PLCB1: variants seen among roughly 807,000 people sequenced by gnomAD.
PLCB1 encodes the protein 1-phosphatidylinositol 4,5-bisphosphate phosphodiesterase beta-1.
PLCB1 carries 46 observed loss-of-function variants against 161.8 expected under a neutral mutation model. The ratio of observed to expected loss-of-function variants is 0.28; its 90% CI spans 0.22 to 0.36. The LOEUF (loss-of-function observed/expected upper bound fraction) is 0.36, where lower values mean the gene tolerates loss of function less well. Ranked by LOEUF, PLCB1 falls within the 10% of genes least tolerant of loss-of-function variation. PLCB1 has a pLI of 1.00. For missense variants in PLCB1, 1,016 were observed against 1,472.5 expected, an observed-to-expected ratio of 0.69 and a Z score of 5.07; for synonymous variants, 517 against 503.7, an observed-to-expected ratio of 1.03 and a Z score of -0.35.
intron 2 of PLCB1, among the ~76,000 whole-genome samples, chr20:8,288,436 A>G (rs749761287): frequency 4.6e-5 from 7 of 152,196 alleles, no homozygotes; most frequent in Non-Finnish European, 8.8e-5. Context: ...CTCTGGAGAA[A>G]GAGAGTGAGA....
intron 3 of PLCB1, among the ~76,000 whole-genome samples, chr20:8,445,774 G>T (rs1980794999): frequency 6.6e-6 from 1 of 152,016 alleles, no homozygotes; most frequent in East Asian, 1.9e-4. Flanking sequence ...TCCCTTGTAA[G>T]TTGGATTCCT....
At chr20:8,639,640 G>GA (rs987213999) in intron 4 of PLCB1, among the ~76,000 whole-genome samples, 1 of 152,220 alleles carries the variant, frequency 6.6e-6, no homozygotes, top group Non-Finnish European at 1.5e-5. Context: ...AAGGACATTG[G>GA]AAAATGGATA....
At chr20:8,481,728 T>TTCTCTGTCCC (rs1285154166) in intron 3 of PLCB1, among the ~76,000 whole-genome samples, 1 of 152,000 alleles carries the variant, frequency 6.6e-6, no homozygotes, top group African/African-American at 2.4e-5. Flanking sequence ...TTCTCTGTCC[T>TTCTCTGTCCC]TCACCTGAAT....
Position 8,254,170 on chromosome 20 carries a change from A to T in PLCB1, c.177+103799A>T, listed in dbSNP as rs147482095. Among the ~76,000 whole-genome samples the T allele has an allele frequency of 3.1e-3, 475 of 151,800 alleles. 4 individuals are homozygous for T. Among genetic ancestry groups the T allele is most frequent in the African/African-American group, 0.01 (429 of 41,478 alleles). ...TGCTAAATCTTCACGTGACTCTTGG[A>T]CACATTGTCTTTGTGACCACTGGAG... On this transcript the variant is annotated intron_variant, in intron 2 of 31. Coordinates refer to ENST00000338037, the MANE Select transcript of PLCB1 (RefSeq NM_015192.4).
chr20:8,161,764 G>C (rs1027385563), intron 2 of PLCB1, among the ~76,000 whole-genome samples: 1 of 151,906 alleles, frequency 6.6e-6, no homozygotes, highest in African/African-American at 2.4e-5. Context: ...TTGGTCTGGG[G>C]TGTGGTCAGA....
intron 31 of PLCB1, among the ~76,000 whole-genome samples, chr20:8,864,408 T>G (rs976722224): frequency 6.6e-6 from 1 of 152,192 alleles, no homozygotes; most frequent in Non-Finnish European, 1.5e-5. Flanking sequence ...GCATAACACC[T>G]TATTATTTTA....
At chr20:8,172,746 A>G (rs1736980438) in intron 2 of PLCB1, among the ~76,000 whole-genome samples, 1 of 152,202 alleles carries the variant, frequency 6.6e-6, no homozygotes, top group Non-Finnish European at 1.5e-5. Context: ...GTACAACTAT[A>G]CATCCCAGAC....
At chr20:8,527,033 A>G (rs538252204) in intron 3 of PLCB1, among the ~76,000 whole-genome samples, 1 of 152,040 alleles carries the variant, frequency 6.6e-6, no homozygotes, top group Non-Finnish European at 1.5e-5. Context: ...TCTGGTCTCT[A>G]GTGTAGTTAT....
chr20:8,498,039 A>G (rs1029186163), intron 3 of PLCB1, among the ~76,000 whole-genome samples: 2 of 152,228 alleles, frequency 1.3e-5, no homozygotes, highest in Admixed American at 1.3e-4. Flanking sequence ...AATAAAACCA[A>G]TAATAAAAGT....
chr20:8,664,413 A>T lies in PLCB1; in HGVS notation c.862+5709A>T, dbSNP rs878937840. Among the ~76,000 whole-genome samples, 4 of 152,242 alleles carry T rather than the reference A, an allele frequency of 2.6e-5. 1 individual carries two copies. The highest frequency in any genetic ancestry group is 2.6e-4 in the Admixed American group (4 of 15,262). On this transcript the variant is annotated intron_variant, in intron 9 of 31. Transcript: ENST00000338037. ...AGTGCTTTAGCTTTTTTTCCTTTAAATAGACCTAAGCCAATAATGATTGTA... is the reference window on the plus strand; with the variant it reads ...AGTGCTTTAGCTTTTTTTCCTTTAATTAGACCTAAGCCAATAATGATTGTA...
intron 9 of PLCB1, among the ~76,000 whole-genome samples, chr20:8,665,071 G>T (rs1359472802): frequency 2.0e-5 from 3 of 152,178 alleles, no homozygotes; most frequent in Admixed American, 6.6e-5. Context: ...GAGAGAGATG[G>T]TTCCCTAAAA....
chr20:8,238,719 G>A (rs1481585825), intron 2 of PLCB1, among the ~76,000 whole-genome samples: 1 of 151,934 alleles, frequency 6.6e-6, no homozygotes, highest in Non-Finnish European at 1.5e-5. Flanking sequence ...CGGAAAGGGG[G>A]CAAAATTGCG....
In PLCB1 at chr20:8,475,013, A is replaced by G. The variant is rs991626025; in HGVS notation, c.246+103563A>G. Reference sequence around the variant, plus strand: ...AAAAAACAAGATCACACACACAGACACACACACACACACACACACAGACAC... The same window carrying G: ...AAAAAACAAGATCACACACACAGACGCACACACACACACACACACAGACAC... On this transcript the variant is annotated intron_variant, in intron 3 of 31. Transcript: ENST00000338037. Among the ~76,000 whole-genome samples, 4 of 77,984 alleles carry G rather than the reference A, an allele frequency of 5.1e-5. No homozygotes were observed. The East Asian group carries it at 1.1e-3, about 22-fold the overall frequency. The allele number at this position is 77,984 out of a possible 152,430, so 51.2% of individuals were successfully genotyped here.
At chr20:8,359,639 G>T (rs1020042249) in intron 2 of PLCB1, among the ~76,000 whole-genome samples, 1 of 152,094 alleles carries the variant, frequency 6.6e-6, no homozygotes, top group Non-Finnish European at 1.5e-5. Flanking sequence ...AGATTACAGG[G>T]TATTTATGCA....
intron 31 of PLCB1, among the ~76,000 whole-genome samples, chr20:8,843,088 A>C (rs1300938064): frequency 2.6e-5 from 4 of 152,240 alleles, no homozygotes; most frequent in African/African-American, 9.6e-5. Flanking sequence ...TAAAACCACA[A>C]TTAGTTTTGT....
chr20:8,358,260 T>G (rs1986426120), intron 2 of PLCB1, among the ~76,000 whole-genome samples: 1 of 152,122 alleles, frequency 6.6e-6, no homozygotes, highest in South Asian at 2.1e-4. Flanking sequence ...CCAACTTTTT[T>G]GTTTTTGAGA....
chr20:8,307,604 T>G (rs530811387), intron 2 of PLCB1, among the ~76,000 whole-genome samples: 2 of 152,216 alleles, frequency 1.3e-5, no homozygotes, highest in African/African-American at 4.8e-5. Flanking sequence ...CTAATCCCAA[T>G]TAATCATTAA....
At chr20:8,748,708 G>A (rs1437007873) in intron 23 of PLCB1, among the ~76,000 whole-genome samples, 1 of 152,088 alleles carries the variant, frequency 6.6e-6, no homozygotes, top group East Asian at 1.9e-4. Flanking sequence ...TACAAAGCAG[G>A]AAATGTGTAG....
chr20:8,212,031 G>T (rs1437318275), intron 2 of PLCB1, among the ~76,000 whole-genome samples: 1 of 152,010 alleles, frequency 6.6e-6, no homozygotes, highest in African/African-American at 2.4e-5. Flanking sequence ...ATGCTCCGAC[G>T]TCAGTGAACT....
Sources: allele counts gnomAD v4.1 joint callset (sites outside exome capture counted in the v4.1 genomes callset), GRCh38; gene constraint gnomAD v4.1.1; transcripts MANE v1.5; gene names NCBI Gene and HGNC (gene_info 2026-07-23, HGNC 2026-07-21).